TANGO6: variants seen among roughly 807,000 people sequenced by gnomAD.
TANGO6 encodes the protein transport and Golgi organization protein 6 homolog.
In TANGO6, 90 loss-of-function variants were observed where a neutral mutation model predicts 114.2. The observed-to-expected ratio is 0.79, with a 90% confidence interval of 0.66 to 0.94. The LOEUF (loss-of-function observed/expected upper bound fraction) is 0.94, where lower values mean the gene tolerates loss of function less well. Ranked by LOEUF, TANGO6 falls within the 40% of genes least tolerant of loss-of-function variation. The pLI is 0.00. For synonymous variants in TANGO6, 477 were observed against 509.8 expected (o/e 0.94, Z 0.87); for missense variants, 1,274 against 1,315.3 (o/e 0.97, Z 0.49).
intron 14 of TANGO6, among the ~76,000 whole-genome samples, chr16:68,955,619 CAGTG>C: frequency 1.3e-5 from 2 of 152,104 alleles, no homozygotes; most frequent in Non-Finnish European, 2.9e-5. Flanking sequence ...TTAAATTACT[CAGTG>C]AGACAACAGT....
At chr16:68,931,304 G>A (rs1963236073) in intron 14 of TANGO6, among the ~76,000 whole-genome samples, 2 of 152,194 alleles carry the variant, frequency 1.3e-5, no homozygotes, top group Non-Finnish European at 2.9e-5. Flanking sequence ...GGACTAAATA[G>A]GAATGTGAAA....
chr16:68,858,065 AT>A (rs369292829), intron 1 of TANGO6, among the ~76,000 whole-genome samples: 1,921 of 143,388 alleles, frequency 0.013, 30 homozygotes, highest in African/African-American at 0.039. Context: ...CTCTCGGAAG[AT>A]TTTTTTTTTT....
intron 14 of TANGO6, among the ~76,000 whole-genome samples, chr16:68,950,784 G>T (rs1197975323): frequency 6.6e-6 from 1 of 152,052 alleles, no homozygotes; most frequent in Non-Finnish European, 1.5e-5. Context: ...GCTTGAGCCT[G>T]GGAGGCGGAG....
intron 5 of TANGO6, among the ~76,000 whole-genome samples, chr16:68,876,640 G>A (rs1437271525): frequency 6.6e-6 from 1 of 150,818 alleles, no homozygotes; most frequent in Non-Finnish European, 1.5e-5. Flanking sequence ...GGCCAACATG[G>A]AGAAACCCCA....
At chr16:68,993,536 TC>T (rs1379921873) in intron 15 of TANGO6, among the ~76,000 whole-genome samples, 1 of 152,204 alleles carries the variant, frequency 6.6e-6, no homozygotes, top group Non-Finnish European at 1.5e-5. Flanking sequence ...TACTTAATTT[TC>T]CTCTCCATGG....
intron 14 of TANGO6, among the ~76,000 whole-genome samples, chr16:68,968,126 C>T (rs1330243760): frequency 6.6e-6 from 1 of 151,898 alleles, no homozygotes; most frequent in African/African-American, 2.4e-5. Flanking sequence ...AGTGCAGTGG[C>T]GCCATCTCGG....
chr16:68,867,988 A>AC (rs1335211009), intron 4 of TANGO6: 2 of 151,464 alleles, frequency 1.3e-5, no homozygotes, highest in Non-Finnish European at 2.9e-5. Flanking sequence ...CAAAAAAAAA[A>AC]AAAAAAATAG....
intron 15 of TANGO6, among the ~76,000 whole-genome samples, chr16:69,003,222 T>C (rs1285438875): frequency 6.6e-6 from 1 of 152,056 alleles, no homozygotes; most frequent in East Asian, 1.9e-4. Flanking sequence ...TCCAAAGAGA[T>C]GGCAAGCAGT....
chr16:68,912,792 C>A (rs1459208205), intron 11 of TANGO6, among the ~76,000 whole-genome samples: 1 of 147,810 alleles, frequency 6.8e-6, no homozygotes, highest in South Asian at 2.2e-4. Flanking sequence ...AAGGTAATAG[C>A]CGACCAGGTG....
At chr16:68,846,068 C>T (rs1446904690) in intron 1 of TANGO6, among the ~76,000 whole-genome samples, 7 of 152,052 alleles carry the variant, frequency 4.6e-5, no homozygotes, top group African/African-American at 7.2e-5. Flanking sequence ...TCTTGTTGCC[C>T]AGGCTGGAGT....
At chr16:69,065,648 C>T (rs1400167522) in intron 17 of TANGO6, among the ~76,000 whole-genome samples, 1 of 152,142 alleles carries the variant, frequency 6.6e-6, no homozygotes, top group Non-Finnish European at 1.5e-5. Flanking sequence ...AGCTCAGTAA[C>T]CTCCAGTTAA....
At chr16:69,071,301 C>A (rs1016459724) in intron 17 of TANGO6, among the ~76,000 whole-genome samples, 2 of 152,202 alleles carry the variant, frequency 1.3e-5, no homozygotes, top group Non-Finnish European at 2.9e-5. Context: ...ACGCCTCTGA[C>A]ACAATGAGTG....
chr16:68,886,127 C>T (rs932413600), intron 7 of TANGO6, among the ~76,000 whole-genome samples: 2 of 152,090 alleles, frequency 1.3e-5, no homozygotes, highest in African/African-American at 2.4e-5. Context: ...TTTATGTTTC[C>T]TAATGGCTAA....
intron 1 of TANGO6, among the ~76,000 whole-genome samples, chr16:68,853,276 TAAAAA>T (rs76691613): frequency 9.3e-6 from 1 of 107,100 alleles, no homozygotes; most frequent in Non-Finnish European, 1.9e-5. Flanking sequence ...AGACTCTGTC[TAAAAA>T]AAAAAAAAAA....
rs189138395 is a variant in TANGO6 at position 68,954,588 on chromosome 16, T to C, written c.2702-19440T>C. On this transcript the variant is annotated intron_variant, in intron 14 of 17. Coordinates refer to ENST00000261778, the MANE Select transcript of TANGO6 (RefSeq NM_024562.2). ...CGAGAAAGTTTTATACCACATTTCA[T>C]GTGTCATGCCACATACACACCCTTC... Among the ~76,000 whole-genome samples, 80 of 152,364 alleles carry C rather than the reference T, an allele frequency of 5.3e-4. 1 individual carries two copies. In the East Asian group the frequency reaches 0.011, roughly 21 times the overall value.
chr16:68,953,745 T>A (rs1477093022), intron 14 of TANGO6, among the ~76,000 whole-genome samples: 2 of 152,196 alleles, frequency 1.3e-5, no homozygotes, highest in African/African-American at 4.8e-5. Flanking sequence ...ACTGTCTTCT[T>A]GGTCGTGAAA....
chr16:69,007,358 C>T (rs963971748), intron 15 of TANGO6, among the ~76,000 whole-genome samples: 2 of 150,858 alleles, frequency 1.3e-5, no homozygotes, highest in African/African-American at 2.4e-5. Flanking sequence ...CAACCTCTGC[C>T]TCCTGGGTTC....
chr16:69,043,204 C>T (rs909552099), intron 17 of TANGO6, among the ~76,000 whole-genome samples: 10 of 151,598 alleles, frequency 6.6e-5, no homozygotes, highest in African/African-American at 2.2e-4. Context: ...TCAGTCTGGG[C>T]GACAGAGAGA....
Position 69,005,396 on chromosome 16 carries a change from C to G in TANGO6, c.2843-17432C>G, listed in dbSNP as rs1450670700. On this transcript the variant is annotated intron_variant, in intron 15 of 17. Transcript: ENST00000261778. Reference sequence around the variant, plus strand: ...CCAGGTGTGCTCCCATCTGGGGCACCCAGACAATGGGAGGCTGCAGTCAGG... The same window carrying G: ...CCAGGTGTGCTCCCATCTGGGGCACGCAGACAATGGGAGGCTGCAGTCAGG... Among the ~76,000 whole-genome samples, 5 of 152,184 alleles carry G rather than the reference C, an allele frequency of 3.3e-5. No individual in the cohort carries two copies. The South Asian group carries it at 1.0e-3, about 32-fold the overall frequency.
Sources: gnomAD v4.1 joint callset for allele counts (sites outside exome capture counted in the v4.1 genomes callset) on GRCh38, gnomAD v4.1.1 for gene constraint, MANE v1.5 for transcripts, NCBI Gene and HGNC (gene_info 2026-07-23, HGNC 2026-07-21) for gene names.